The following SUN2 variants were observed in gnomAD, a reference collection of about 807,000 sequenced individuals.
The protein encoded by SUN2 is SUN domain-containing protein 2.
A neutral mutation model predicts 100.0 loss-of-function variants in SUN2; 60 were observed. The ratio of observed to expected loss-of-function variants is 0.60; its 90% CI spans 0.49 to 0.74. The LOEUF is 0.74. Ranked by LOEUF, SUN2 falls within the 30% of genes least tolerant of loss-of-function variation. SUN2 has a pLI of 0.00. For synonymous variants in SUN2, 367 were observed against 403.3 expected, an observed-to-expected ratio of 0.91 and a Z score of 1.08; for missense variants, 834 against 954.6, an observed-to-expected ratio of 0.87 and a Z score of 1.66.
chr22:38,736,153 A>G lies in SUN2; in HGVS notation c.*114T>C. 1 of 1,031,192 alleles carries G rather than the reference A, an allele frequency of 9.7e-7. No individual in the cohort carries two copies. Among genetic ancestry groups the G allele is most frequent in the Non-Finnish European group, 1.5e-6 (1 of 663,252 alleles). 63.9% of individuals were successfully genotyped at this position (1,031,192 alleles called of 1,614,324 possible). ...GTCCTTTTCATCTGCATGGGGCCACAGGCTCCTCTCTTGTGCTCCTAGAAG... is the reference window on the plus strand; with the variant it reads ...GTCCTTTTCATCTGCATGGGGCCACGGGCTCCTCTCTTGTGCTCCTAGAAG... On this transcript the variant is annotated 3_prime_UTR_variant, in exon 18 of 18. Coordinates refer to ENST00000689035, the MANE Select transcript of SUN2 (RefSeq NM_015374.3).
At position 38,740,981 on chromosome 22, in the gene SUN2, C is replaced by G; in HGVS notation, c.1190+26G>C. On this transcript the variant is annotated intron_variant, in intron 11 of 17. Coordinates refer to ENST00000689035, the MANE Select transcript of SUN2 (RefSeq NM_015374.3). This position sits in a 1 kb window ranked among gnomAD's most constrained non-coding sequence, Gnocchi z 4.8. ...TGGGTGGGGCTGGGGAGGAGCAGGC[C>G]GAGGCCAGCTGGTGGCGCCCAGTAC... 1 of 1,579,500 alleles carries G rather than the reference C, an allele frequency of 6.3e-7. No individual in the cohort carries two copies. The highest frequency in any genetic ancestry group is 1.2e-5 in the South Asian group (1 of 86,458).
rs1253907495 is a variant in SUN2, at chr22:38,738,999, A to G, written c.1664-11T>C. The G allele has an allele frequency of 6.2e-7, 1 of 1,601,904 alleles. No individual in the cohort carries two copies. The highest frequency in any genetic ancestry group is 1.3e-5 in the African/African-American group (1 of 74,610). On this transcript the variant is annotated splice_polypyrimidine_tract_variant and intron_variant, in intron 14 of 17. Coordinates refer to ENST00000689035, the MANE Select transcript of SUN2 (RefSeq NM_015374.3). The surrounding 1 kb of genome is among the most constrained non-coding windows in gnomAD (Gnocchi z 6.6). Reference sequence around the variant, plus strand: ...TGATGACGCTGGCCCCTGAGACAGGAGAGGAAGGCAGGGTGGGCTCCCGCA... The same window carrying G: ...TGATGACGCTGGCCCCTGAGACAGGGGAGGAAGGCAGGGTGGGCTCCCGCA...
chr22:38,738,128 A>G lies in SUN2; in HGVS notation c.2040+45T>C, dbSNP rs370586909. The G allele has an allele frequency of 6.4e-7, 1 of 1,572,694 alleles. No individual in the cohort carries two copies. The highest frequency in any genetic ancestry group is 8.8e-7 in the Non-Finnish European group (1 of 1,142,674). ...TGCCCAGGGAGCACCTGCTGCCTGG[A>G]TGGGGAGTCTGCGCCACTTCTGCTA... On this transcript the variant is annotated intron_variant, in intron 17 of 17. Transcript: ENST00000689035. This position sits in a 1 kb window ranked among gnomAD's most constrained non-coding sequence, Gnocchi z 6.6.
Position 38,755,441 on chromosome 22 carries a change from T to A in SUN2, c.-38+322A>T, listed in dbSNP as rs1310920305. 2.0e-6 allele frequency: 2 copies of A among 994,394 alleles called. No individual in the cohort carries two copies. Among genetic ancestry groups the A allele is most frequent in the Non-Finnish European group, 2.4e-6 (2 of 834,290 alleles). The allele number at this position is 994,394 out of a possible 1,614,324, so 61.6% of individuals were successfully genotyped here. A position where few individuals can be genotyped will look rare whatever the true frequency, so the allele number is the denominator to read the frequency against. On this transcript the variant is annotated intron_variant, in intron 1 of 17. Coordinates refer to ENST00000689035, the MANE Select transcript of SUN2 (RefSeq NM_015374.3). The surrounding 1 kb of genome is among the most constrained non-coding windows in gnomAD (Gnocchi z 5.7). Reference sequence around the variant, plus strand: ...TGCCTGTCCCTGGAAACGGCCTGTCTGGCACAAAACCCGTAGGCGCTGCCC... The same window carrying A: ...TGCCTGTCCCTGGAAACGGCCTGTCAGGCACAAAACCCGTAGGCGCTGCCC...
chr22:38,746,368 G>C (rs536697113), intron 7 of SUN2, among the ~76,000 whole-genome samples: 64 of 152,310 alleles, frequency 4.2e-4, no homozygotes, highest in Non-Finnish European at 7.4e-4. Context: ...CAGCCACACA[G>C]AGACATGTTC....
Position 38,741,507 on chromosome 22 carries a change from A to G in SUN2, c.1133T>C (p.Val378Ala). 6.2e-7 allele frequency: 1 copy of G among 1,613,948 alleles called. No individual in the cohort carries two copies. The highest frequency in any genetic ancestry group is 8.5e-7 in the Non-Finnish European group (1 of 1,180,014). ...QDSEDLFKKI[V>A]RASQESEARI... is the part of the protein sequence containing the mutation. ...AAGCCCGCTGACCTGGGAGGCCCGGACGATCTTCTTGAAGAGGTCTTCTGA... is the reference window on the plus strand; with the variant it reads ...AAGCCCGCTGACCTGGGAGGCCCGGGCGATCTTCTTGAAGAGGTCTTCTGA... Residue 378 changes from valine to alanine, a missense_variant, in exon 10 of 18, where the codon GTC (valine) becomes GCC (alanine). By Grantham distance (64) the Val-to-Ala change is moderately conservative (BLOSUM62 0). This residue lies in a region of SUN2 where 559 missense variants were observed against 597.7 expected (regional missense o/e 0.94). Transcript: ENST00000689035.
At chr22:38,750,875 A>G (rs763293026) in intron 4 of SUN2, 23 bp downstream of exon 4, 1 of 1,613,736 alleles carries the variant, frequency 6.2e-7, no homozygotes, top group Admixed American at 1.7e-5. Flanking sequence ...GGATCTGCTC[A>G]GGAGGGAGGA....
In SUN2 at chr22:38,749,859, C is replaced by T. The variant is rs148232799; in HGVS notation, c.521G>A (p.Gly174Asp). 6.2e-7 allele frequency: 1 copy of T among 1,612,448 alleles called. No homozygotes were observed. The highest frequency in any genetic ancestry group is 8.5e-7 in the Non-Finnish European group (1 of 1,179,416). ...CCAGTAGAGAAGTCTGAAGAGCCGG[C>T]CTGGAAGAATGACCATCAAGCCGAA... The part of the protein sequence containing the change: ...SLLWMVATSP[G>D]RLFRLLYWWA... Residue 174 changes from glycine (G) to aspartate (D), a missense_variant and splice_region_variant, in exon 6 of 18, where the codon GGC becomes GAC. Transcript: ENST00000689035.
At chr22:38,749,598 T>C (rs1367701656) in intron 6 of SUN2, among the ~76,000 whole-genome samples, 168 bp downstream of exon 6, 1 of 152,198 alleles carries the variant, frequency 6.6e-6, no homozygotes, top group Non-Finnish European at 1.5e-5. Flanking sequence ...GTCCATCCTC[T>C]GTCAGGCAGG....
In SUN2 at chr22:38,740,157, G is replaced by C; in HGVS notation, c.1356+110C>G. Reference sequence around the variant, plus strand: ...GTCAAGGCCAACGCCACAGTCTCTTGGGCATAACAGAGGCTGCAGGGGCAA... The same window carrying C: ...GTCAAGGCCAACGCCACAGTCTCTTCGGCATAACAGAGGCTGCAGGGGCAA... On this transcript the variant is annotated intron_variant, in intron 12 of 17. Coordinates refer to ENST00000689035, the MANE Select transcript of SUN2 (RefSeq NM_015374.3). The surrounding 1 kb of genome is among the most constrained non-coding windows in gnomAD (Gnocchi z 4.8). 1 of 1,367,080 alleles carries C rather than the reference G, an allele frequency of 7.3e-7. No homozygotes were observed. The highest frequency in any genetic ancestry group is 9.7e-7 in the Non-Finnish European group (1 of 1,032,148). The allele number at this position is 1,367,080 out of a possible 1,614,324, so 84.7% of individuals were successfully genotyped here.
intron 6 of SUN2, chr22:38,748,993 T>A: frequency 2.0e-6 from 1 of 509,238 alleles, no homozygotes; most frequent in Non-Finnish European, 3.5e-6. Flanking sequence ...TGGGACAATT[T>A]TGACTGAATT....
rs1006784748 is a variant in SUN2, at chr22:38,735,530, A to G, written c.*737T>C. 6 of 257,674 alleles carry G rather than the reference A, an allele frequency of 2.3e-5. No homozygotes were observed. The highest frequency in any genetic ancestry group is 1.4e-4 in the African/African-American group (6 of 43,962). The allele number at this position is 257,674 out of a possible 1,614,324, so 16.0% of individuals were successfully genotyped here. The stretch of plus-strand genomic sequence containing the variant: ...GGAACAGGGAGCAGGGTGGGCCCCA[A>G]CCTAGCATCAGGAGAGAGAAAAGCA... On this transcript the variant is annotated 3_prime_UTR_variant, in exon 18 of 18. Transcript: ENST00000689035.
Position 38,738,011 on chromosome 22 carries a change from T to G in SUN2, c.2040+162A>C. The G allele has an allele frequency of 2.7e-6, 2 of 735,502 alleles. No homozygotes were observed. Among genetic ancestry groups the G allele is most frequent in the Middle Eastern group, 4.5e-4 (2 of 4,406 alleles). The allele number at this position is 735,502 out of a possible 1,614,324, so 45.6% of individuals were successfully genotyped here. On this transcript the variant is annotated intron_variant, in intron 17 of 17. Coordinates refer to ENST00000689035, the MANE Select transcript of SUN2 (RefSeq NM_015374.3). The surrounding 1 kb of genome is among the most constrained non-coding windows in gnomAD (Gnocchi z 6.6). The stretch of plus-strand genomic sequence containing the variant: ...TTCCCCTGTGCTGACGTCTGCAGGA[T>G]GCGTGTTACACCCCATTTGGATATC...
At chr22:38,745,915 A>G in intron 7 of SUN2, 104 bp from the exon 8 acceptor site, 20 of 1,491,818 alleles carry the variant, frequency 1.3e-5, no homozygotes, top group Non-Finnish European at 1.5e-5. Flanking sequence ...GGCCTGTCCC[A>G]CTCGTGGAGC....
chr22:38,746,201 A>C (rs1258109322), intron 7 of SUN2, among the ~76,000 whole-genome samples: 1 of 152,104 alleles, frequency 6.6e-6, no homozygotes. Flanking sequence ...CCCTCTGGAG[A>C]GCAAGCTAAT....
At chr22:38,753,742 A>G (rs567159345) in intron 1 of SUN2, among the ~76,000 whole-genome samples, 1 of 152,222 alleles carries the variant, frequency 6.6e-6, no homozygotes, top group Admixed American at 6.5e-5. Context: ...CATTACTCCC[A>G]TCTACAAGGG....
intron 1 of SUN2, among the ~76,000 whole-genome samples, chr22:38,753,621 G>A (rs546274872): frequency 4.6e-5 from 7 of 152,238 alleles, no homozygotes; most frequent in East Asian, 3.9e-4. Context: ...CTGTCCCCAC[G>A]GTGCACACTG....
intron 8 of SUN2, among the ~76,000 whole-genome samples, chr22:38,743,270 C>T (rs1408908666): frequency 3.9e-5 from 6 of 152,192 alleles, no homozygotes; most frequent in African/African-American, 1.2e-4. Flanking sequence ...TTTAAATAGG[C>T]GCTACATTTG....
At chr22:38,747,306 T>C (rs1397603946) in intron 7 of SUN2, among the ~76,000 whole-genome samples, 1 of 137,870 alleles carries the variant, frequency 7.3e-6, no homozygotes, top group African/African-American at 2.8e-5. Context: ...CACTCGAGCC[T>C]GGGCAACAGA....
Sources: gnomAD v4.1 joint callset for allele counts (sites outside exome capture counted in the v4.1 genomes callset) on GRCh38, gnomAD v4.1.1 for gene constraint, gnomAD v4.1.1 regional missense constraint, Gnocchi (gnomAD v3.1) non-coding constraint, MANE v1.5 for transcripts, NCBI Gene and HGNC (gene_info 2026-07-23, HGNC 2026-07-21) for gene names.